Variants in TAF7L observed in about 807,000 individuals in gnomAD.
TAF7L encodes TATA-box binding protein associated factor 7 like.
TAF7L carries 6 observed loss-of-function variants against 30.2 expected under a neutral mutation model. The ratio of observed to expected loss-of-function variants is 0.20; its 90% confidence interval spans 0.11 to 0.39. The LOEUF (loss-of-function observed/expected upper bound fraction) is 0.39. TAF7L is among the 10% of genes least tolerant of loss of function. The probability of loss-of-function intolerance (pLI) is 1.00; values close to 1 mark genes in which losing one functional copy is unlikely to be tolerated. For synonymous variants in TAF7L, 93 were observed against 94.5 expected (o/e 0.98, Z 0.09); for missense variants, 284 against 277.1 (o/e 1.03, Z -0.18).
chrX:101,269,343 G>A, intron 12 of TAF7L, 106 bp from the exon 13 acceptor site: 1 of 708,248 alleles, frequency 1.4e-6, no homozygotes, highest in Non-Finnish European at 2.2e-6. Context: ...CTGTTATTTG[G>A]CATTTATAAG....
intron 9 of TAF7L, 41 bp downstream of exon 9, chrX:101,277,565 C>G (rs370579716): frequency 2.9e-5 from 23 of 797,257 alleles, no homozygotes; most frequent in Non-Finnish European, 3.7e-5. Context: ...CAGTCAATAC[C>G]TGCCCTATCT....
rs965870677 is a variant in TAF7L, at chrX:101,282,471, A to G, written c.280-18T>C. 3 of 1,208,037 alleles carry G rather than the reference A, an allele frequency of 2.5e-6. No homozygotes were observed. The highest frequency in any genetic ancestry group is 3.4e-6 in the Non-Finnish European group (3 of 894,310). ...ACAAGCATCTACATTTAACAAAGAC[A>G]AAGAAGTTGACTATGACCACGAATT... On this transcript the variant is annotated intron_variant, in intron 4 of 12. Coordinates refer to ENST00000356784, the MANE Select transcript of TAF7L (RefSeq NM_001168474.2).
chrX:101,282,875 C>T (rs1924463329), intron 4 of TAF7L, among the ~76,000 whole-genome samples: 1 of 110,952 alleles, frequency 9.0e-6, no homozygotes, highest in Admixed American at 9.6e-5. Context: ...AAGTGATCCT[C>T]CCACCTCAAT....
chrX:101,277,920 C>T (rs1332513448), intron 8 of TAF7L, 129 bp downstream of exon 8: 1 of 616,903 alleles, frequency 1.6e-6, no homozygotes, highest in East Asian at 3.3e-5. Context: ...CTGTTCCTAG[C>T]TAGAACATTT....
chrX:101,286,738 C>T (rs1391628652), intron 2 of TAF7L, 85 bp from the exon 3 acceptor site: 1 of 700,327 alleles, frequency 1.4e-6, no homozygotes, highest in Admixed American at 3.0e-5. Flanking sequence ...GAAAGCCCTC[C>T]CTTAAATAAA....
chrX:101,286,180 CAA>C (rs1188025833), intron 3 of TAF7L, among the ~76,000 whole-genome samples: 5 of 46,259 alleles, frequency 1.1e-4, no homozygotes, highest in Non-Finnish European at 8.1e-5. Context: ...GACTCCATCT[CAA>C]AAAAAAAAAA....
At chrX:101,280,523 A>G (rs995942067) in intron 6 of TAF7L, among the ~76,000 whole-genome samples, 3 of 111,832 alleles carry the variant, frequency 2.7e-5, no homozygotes, top group South Asian at 7.5e-4. Context: ...TCATTCATAC[A>G]TTATTGGCAG....
chrX:101,282,591 A>C (rs1924452267), intron 4 of TAF7L, 138 bp from the exon 5 acceptor site: 4 of 695,301 alleles, frequency 5.8e-6, no homozygotes, highest in Non-Finnish European at 8.4e-6. Context: ...TGTAATGTAC[A>C]TTTATATTCT....
At chrX:101,278,503 T>G (rs369094748) in intron 7 of TAF7L, among the ~76,000 whole-genome samples, 2 of 112,173 alleles carry the variant, frequency 1.8e-5, no homozygotes, top group African/African-American at 6.5e-5. Flanking sequence ...GGTTTAAAGA[T>G]CCAAATTCCC....
chrX:101,283,718 G>T, intron 3 of TAF7L, 135 bp from the exon 4 acceptor site: 1 of 661,277 alleles, frequency 1.5e-6, no homozygotes, highest in Non-Finnish European at 2.3e-6. Context: ...TGCTAGAATT[G>T]TGTACACAAT....
At position 101,276,072 on chromosome X, in the gene TAF7L, C is replaced by G; in HGVS notation, c.954G>C (p.Lys318Asn). 1 of 1,202,986 alleles carries G rather than the reference C, an allele frequency of 8.3e-7. No individual in the cohort carries two copies. The highest frequency in any genetic ancestry group is 1.7e-5 in the African/African-American group (1 of 57,263). ...IQKQIEKKEK[K>N]LHKIQNKAQR... ...GTGCTTTATTCTGAATCTTATGGAG[C>G]TTTTTCTCCTTTTTCTCAATCTGCT... The change falls in exon 11 of 13, where the codon AAG becomes AAC. Residue 318 changes from lysine (K) to asparagine (N), a missense_variant. Physicochemically the swap from Lys to Asn is moderately conservative, Grantham distance 94 (BLOSUM62 0). Transcript: ENST00000356784.
Position 101,276,442 on chromosome X carries a change from C to T in TAF7L, c.778G>A (p.Asp260Asn), listed in dbSNP as rs772159833. ...EDEDDEDEDEDEDEDEDEDKE... is the reference protein window; with the variant it reads ...EDEDDEDEDENEDEDEDEDKE... ...TCTTCATCTTCATCCTCATCCTCATCCTCATCCTCATCTTCATCATCCTCA... is the reference window on the plus strand; with the variant it reads ...TCTTCATCTTCATCCTCATCCTCATTCTCATCCTCATCTTCATCATCCTCA... Residue 260 changes from aspartate to asparagine, a missense_variant, in exon 10 of 13, where the codon GAT becomes AAT. Asp to Asn is a conservative substitution (Grantham distance 23). Transcript: ENST00000356784. The T allele has an allele frequency of 3.3e-6, 4 of 1,206,459 alleles. No individual in the cohort carries two copies. Among genetic ancestry groups the T allele is most frequent in the Non-Finnish European group, 4.5e-6 (4 of 891,319 alleles).
upstream of TAF7L, among the ~76,000 whole-genome samples, chrX:101,292,495 A>T (rs953242017): frequency 2.0e-4 from 21 of 103,176 alleles, no homozygotes; most frequent in Non-Finnish European, 3.9e-4. Context: ...CCTCGACTCC[A>T]TTAGGTCGGA....
chrX:101,292,433 C>G (rs1367233839), upstream of TAF7L, among the ~76,000 whole-genome samples: 2 of 66,006 alleles, frequency 3.0e-5, no homozygotes, highest in Non-Finnish European at 5.3e-5. Context: ...GAGCGAAACT[C>G]CGTCAAAAAA....
chrX:101,273,388 G>A (rs981634074), intron 12 of TAF7L, among the ~76,000 whole-genome samples: 2 of 111,285 alleles, frequency 1.8e-5, no homozygotes, highest in Non-Finnish European at 3.8e-5. Context: ...AGGAGATCAA[G>A]ACCATCCTCG....
chrX:101,280,323 G>A (rs1289622827), intron 6 of TAF7L, among the ~76,000 whole-genome samples: 2 of 111,674 alleles, frequency 1.8e-5, no homozygotes, highest in Non-Finnish European at 3.8e-5. Flanking sequence ...AATCAATTTA[G>A]AAAATAGGCA....
chrX:101,282,547 C>A, intron 4 of TAF7L, 94 bp from the exon 5 acceptor site: 1 of 973,148 alleles, frequency 1.0e-6, no homozygotes, highest in South Asian at 2.1e-5. Flanking sequence ...ACAGAAGAGA[C>A]TGATACTTGC....
chrX:101,289,703 C>G, intron 1 of TAF7L, among the ~76,000 whole-genome samples: 1 of 110,591 alleles, frequency 9.0e-6, no homozygotes, highest in Non-Finnish European at 1.9e-5. Flanking sequence ...CCATCTCAGC[C>G]TCCTGAGTAG....
At chrX:101,277,573 T>C (rs776498010) in intron 9 of TAF7L, 33 bp downstream of exon 9, 7 of 926,118 alleles carry the variant, frequency 7.6e-6, no homozygotes, top group African/African-American at 4.2e-5. Flanking sequence ...ACCTGCCCTA[T>C]CTGAAACTCC....
Sources: gnomAD v4.1 joint callset for allele counts (sites outside exome capture counted in the v4.1 genomes callset) on GRCh38, gnomAD v4.1.1 for gene constraint, MANE v1.5 for transcripts, NCBI Gene and HGNC (gene_info 2026-07-23, HGNC 2026-07-21) for gene names.